SLX9: variants seen among roughly 807,000 people sequenced by gnomAD.
SLX9 encodes the protein ribosome biogenesis protein SLX9 homolog.
SLX9 carries 19 observed loss-of-function variants against 20.8 expected under a neutral mutation model. That is an observed-to-expected ratio of 0.91 (90% CI 0.64 to 1.34). The LOEUF is 1.34. Ranked by LOEUF, SLX9 falls within the 40% of genes most tolerant of loss-of-function variation. The probability of loss-of-function intolerance (pLI) is 0.00; values close to 1 mark genes in which losing one functional copy is unlikely to be tolerated. For missense variants in SLX9, 299 were observed against 322.2 expected, an observed-to-expected ratio of 0.93 and a Z score of 0.55; for synonymous variants, 113 against 137.1, an observed-to-expected ratio of 0.82 and a Z score of 1.23.
chr21:44,946,377 C>T (rs1043075822), intron 2 of SLX9, among the ~76,000 whole-genome samples: 1 of 152,210 alleles, frequency 6.6e-6, no homozygotes, highest in Non-Finnish European at 1.5e-5. Context: ...CCCGTTCTGG[C>T]GCTTCCTGCT....
At chr21:44,967,651 TA>T (rs2085062796) in intron 4 of SLX9, among the ~76,000 whole-genome samples, 1 of 152,182 alleles carries the variant, frequency 6.6e-6, no homozygotes, top group African/African-American at 2.4e-5. Flanking sequence ...GATGCCCACC[TA>T]ACACTGCACA....
At chr21:44,974,936 G>A (rs879271122) in intron 5 of SLX9, among the ~76,000 whole-genome samples, 4 of 152,172 alleles carry the variant, frequency 2.6e-5, no homozygotes, top group African/African-American at 7.2e-5. Flanking sequence ...ACTGTCTGTC[G>A]CCCGCACCCC....
rs1333577575 is a variant in SLX9, at chr21:44,976,914, G to A, written c.*111G>A. The A allele has an allele frequency of 3.0e-5, 43 of 1,434,346 alleles. No individual in the cohort carries two copies. The highest frequency in any genetic ancestry group is 2.5e-4 in the East Asian group (10 of 40,134). The allele number at this position is 1,434,346 out of a possible 1,614,324, so 88.9% of individuals were successfully genotyped here. ...CTGGTGGACGCCCTTCCCTCTGGTCGGTTGTGGGGCTCAATAAATGGCTCT... is the reference window on the plus strand; with the variant it reads ...CTGGTGGACGCCCTTCCCTCTGGTCAGTTGTGGGGCTCAATAAATGGCTCT... On this transcript the variant is annotated 3_prime_UTR_variant, in exon 6 of 6. Transcript: ENST00000291634.
Position 44,956,193 on chromosome 21 carries a change from C to G in SLX9, c.284-3907C>G, listed in dbSNP as rs562559168. On this transcript the variant is annotated intron_variant, in intron 2 of 5. Transcript: ENST00000291634. ...TTGTTAACTGCAGCTGTCTCCCCCT[C>G]GTTGGTAGTTCTTTTGAATTTGTTC... Among the ~76,000 whole-genome samples the G allele has an allele frequency of 4.6e-5, 7 of 152,306 alleles. No individual in the cohort carries two copies. In the South Asian group the frequency reaches 1.5e-3, roughly 32 times the overall value.
At chr21:44,972,151 G>A (rs574172051) in intron 4 of SLX9, among the ~76,000 whole-genome samples, 5 of 152,220 alleles carry the variant, frequency 3.3e-5, no homozygotes, top group African/African-American at 9.6e-5. Context: ...AGGACTCTGC[G>A]TCTCTGCCTT....
At chr21:44,956,966 G>A (rs570067870) in intron 2 of SLX9, among the ~76,000 whole-genome samples, 4 of 152,308 alleles carry the variant, frequency 2.6e-5, no homozygotes, top group East Asian at 3.9e-4. Context: ...TGGTTCTGGC[G>A]AGGCGGTTGC....
chr21:44,962,823 C>T (rs559995616), intron 3 of SLX9, among the ~76,000 whole-genome samples: 8 of 152,320 alleles, frequency 5.3e-5, no homozygotes, highest in African/African-American at 1.9e-4. Flanking sequence ...TTTGCCAACA[C>T]ATGGCCTGCC....
chr21:44,939,902 T>G (rs373042041), upstream of SLX9: 4 of 720,004 alleles, frequency 5.6e-6, no homozygotes, highest in South Asian at 8.8e-5. Context: ...GCCGCCACCC[T>G]ACACCCGCGA....
At chr21:44,947,662 T>A (rs1186699230) in intron 2 of SLX9, among the ~76,000 whole-genome samples, 1 of 152,054 alleles carries the variant, frequency 6.6e-6, no homozygotes, top group East Asian at 1.9e-4. Context: ...GGAAGCCACA[T>A]CTGACCCCCT....
upstream of SLX9, chr21:44,939,989 C>T (rs941604897): frequency 1.3e-5 from 17 of 1,356,508 alleles, no homozygotes; most frequent in Non-Finnish European, 1.5e-5. Context: ...CCTGTTTCCG[C>T]CGGGCGGCGA....
At chr21:44,970,995 C>T (rs566675206) in intron 4 of SLX9, among the ~76,000 whole-genome samples, 11 of 152,302 alleles carry the variant, frequency 7.2e-5, no homozygotes, top group East Asian at 1.9e-4. Context: ...GGGCAGGGCC[C>T]GTGTTTGGGG....
chr21:44,960,194 C>T (rs1444248592), intron 3 of SLX9, 26 bp downstream of exon 3: 3 of 1,610,946 alleles, frequency 1.9e-6, no homozygotes, highest in South Asian at 1.1e-5. Context: ...CGTCTTGAGG[C>T]AGCTGCCGGC....
chr21:44,950,486 CCTT>C (rs1231885579), intron 2 of SLX9, among the ~76,000 whole-genome samples: 1 of 152,210 alleles, frequency 6.6e-6, no homozygotes, highest in African/African-American at 2.4e-5. Flanking sequence ...GAGTGGTGCG[CCTT>C]CTTACCTGCG....
At chr21:44,941,358 C>T (rs2084544203) in intron 1 of SLX9, among the ~76,000 whole-genome samples, 1 of 152,046 alleles carries the variant, frequency 6.6e-6, no homozygotes. Context: ...GGATTAGTAT[C>T]TGCTTGATTA....
intron 5 of SLX9, among the ~76,000 whole-genome samples, chr21:44,975,145 C>G (rs1333454621): frequency 2.0e-5 from 3 of 152,162 alleles, no homozygotes; most frequent in Non-Finnish European, 4.4e-5. Flanking sequence ...CGCCTGTGGA[C>G]AGGGCTCAGG....
At chr21:44,952,427 G>A (rs897867056) in intron 2 of SLX9, among the ~76,000 whole-genome samples, 2 of 152,256 alleles carry the variant, frequency 1.3e-5, no homozygotes, top group Non-Finnish European at 1.5e-5. Flanking sequence ...ATCAGAGTGT[G>A]TGGCCTGATC....
chr21:44,972,112 G>A (rs973934871), intron 4 of SLX9, among the ~76,000 whole-genome samples: 4 of 152,108 alleles, frequency 2.6e-5, no homozygotes, highest in African/African-American at 9.7e-5. Context: ...GAAGTCTCCT[G>A]GCCCGAGGCT....
chr21:44,947,504 G>A (rs886992963), intron 2 of SLX9, among the ~76,000 whole-genome samples: 1 of 148,470 alleles, frequency 6.7e-6, no homozygotes, highest in African/African-American at 2.4e-5. Flanking sequence ...AAGTGGTGGG[G>A]CTTGTTAGTC....
chr21:44,945,034 C>T (rs73906961), intron 2 of SLX9, among the ~76,000 whole-genome samples: 3,725 of 152,272 alleles, frequency 0.024, 163 homozygotes, highest in African/African-American at 0.086. Context: ...AGGCTGGGGA[C>T]GAGTGGGTTT....
Sources: allele counts gnomAD v4.1 joint callset (sites outside exome capture counted in the v4.1 genomes callset), GRCh38; gene constraint gnomAD v4.1.1; transcripts MANE v1.5; gene names NCBI Gene and HGNC (gene_info 2026-07-23, HGNC 2026-07-21).